ADNP2: variants seen among roughly 807,000 people sequenced by gnomAD.
The protein encoded by ADNP2 is activity-dependent neuroprotector homeobox protein 2.
A neutral mutation model predicts 16.4 loss-of-function variants in ADNP2; 8 were observed. The ratio of observed to expected loss-of-function variants is 0.49; its 90% confidence interval spans 0.29 to 0.88. The LOEUF (loss-of-function observed/expected upper bound fraction) is 0.88. Ranked by LOEUF, ADNP2 falls within the 40% of genes least tolerant of loss-of-function variation. The pLI, the probability that ADNP2 is intolerant of heterozygous loss-of-function variation, is 0.09. For synonymous variants in ADNP2, 637 were observed against 545.8 expected (o/e 1.17, Z -2.33); for missense variants, 1,397 against 1,395.1 (o/e 1.00, Z -0.02).
At chr18:80,135,241 G>A (rs772038842) in intron 3 of ADNP2, among the ~76,000 whole-genome samples, 5 of 152,272 alleles carry the variant, frequency 3.3e-5, no homozygotes, top group Middle Eastern at 6.8e-3. Flanking sequence ...GTGGTTGTTA[G>A]GCTTTTAAAT....
In ADNP2 at chr18:80,137,531, C is replaced by T. The variant is rs893523709; in HGVS notation, c.2118C>T (p.Asn706=). The T allele has an allele frequency of 8.1e-6, 13 of 1,614,142 alleles. No homozygotes were observed. Among genetic ancestry groups the T allele is most frequent in the South Asian group, 4.4e-5 (4 of 91,092 alleles). The change falls in exon 4 of 4, where the codon AAC becomes AAT. Residue 706 remains asparagine (N), a synonymous_variant. Coordinates refer to ENST00000262198, the MANE Select transcript of ADNP2 (RefSeq NM_014913.4). This position sits in a 1 kb window ranked among gnomAD's most constrained non-coding sequence, Gnocchi z 4.2. The part of the protein sequence containing the change: ...CPVCNELFPS[N]VYQVHMEVAH... ...TCTGCAACGAGCTCTTTCCGTCCAA[C>T]GTCTACCAGGTCCACATGGAGGTAG...
In ADNP2 at chr18:80,138,325, A is replaced by C; in HGVS notation, c.2912A>C (p.Asp971Ala). Residue 971 changes from aspartate to alanine, a missense_variant, in exon 4 of 4, where the codon GAT (aspartate) becomes GCT (alanine). This residue lies in a region of ADNP2 where 611 missense variants were observed against 648.7 expected (regional missense o/e 0.94). Coordinates refer to ENST00000262198, the MANE Select transcript of ADNP2 (RefSeq NM_014913.4). ...TTAGTCAGTGGTGAAGTGATGCATGATTCCAGTTTTTCTGTTAAGAGAAAG... is the reference window on the plus strand; with the variant it reads ...TTAGTCAGTGGTGAAGTGATGCATGCTTCCAGTTTTTCTGTTAAGAGAAAG... The part of the protein sequence containing the change: ...LLLVSGEVMH[D>A]SSFSVKRKLP... 1 of 1,614,158 alleles carries C rather than the reference A, an allele frequency of 6.2e-7. No individual in the cohort carries two copies. Among genetic ancestry groups the C allele is most frequent in the Non-Finnish European group, 8.5e-7 (1 of 1,180,044 alleles).
In ADNP2 at chr18:80,137,741, A is replaced by G. The variant is rs1273952262; in HGVS notation, c.2328A>G (p.Pro776=). The G allele has an allele frequency of 5.6e-6, 9 of 1,614,192 alleles. No homozygotes were observed. The highest frequency in any genetic ancestry group is 1.7e-5 in the Admixed American group (1 of 60,024). ...LMHGLGCLFC[P]CTFHDIKGLS... ...ATGGCTTGGGGTGCTTGTTCTGTCC[A>G]TGCACCTTCCATGATATCAAAGGTC... is the stretch of plus-strand genomic sequence containing the variant. The change falls in exon 4 of 4, where the codon CCA becomes CCG. Residue 776 remains proline, a synonymous_variant. Transcript: ENST00000262198. This position sits in a 1 kb window ranked among gnomAD's most constrained non-coding sequence, Gnocchi z 4.2.
chr18:80,117,473 T>C (rs2052396732), intron 1 of ADNP2, 57 bp from the exon 2 acceptor site: 3 of 1,061,088 alleles, frequency 2.8e-6, no homozygotes, highest in Non-Finnish European at 4.0e-6. Flanking sequence ...TCAAAAAATG[T>C]ATTTTTGTGT....
chr18:80,117,468 A>C (rs1053965249), intron 1 of ADNP2, 62 bp from the exon 2 acceptor site: 6 of 1,042,878 alleles, frequency 5.8e-6, no homozygotes, highest in African/African-American at 3.3e-5. Context: ...CCCTGTCAAA[A>C]AATGTATTTT....
rs1338759733 is a variant in ADNP2 at position 80,137,023 on chromosome 18, G to A, written c.1610G>A (p.Gly537Asp). 6.2e-7 allele frequency: 1 copy of A among 1,614,106 alleles called. No individual in the cohort carries two copies. The highest frequency in any genetic ancestry group is 1.3e-5 in the African/African-American group (1 of 75,020). Residue 537 changes from glycine (G) to aspartate (D), a missense_variant, in exon 4 of 4, where the codon GGT (glycine) becomes GAT (aspartate). By Grantham distance (94) the Gly-to-Asp change is moderately conservative. Coordinates refer to ENST00000262198, the MANE Select transcript of ADNP2 (RefSeq NM_014913.4). The surrounding 1 kb of genome is among the most constrained non-coding windows in gnomAD (Gnocchi z 4.2). ...TCAGCTGTTGTGCCTGTAAACCAGG[G>A]TGTGAATTCTGGTGTTCTGCAGCTT... ...SSSAVVPVNQGVNSGVLQLSQ... is the reference protein window; with the variant it reads ...SSSAVVPVNQDVNSGVLQLSQ...
chr18:80,127,600 A>C (rs1382041846), intron 2 of ADNP2, among the ~76,000 whole-genome samples: 1 of 151,578 alleles, frequency 6.6e-6, no homozygotes, highest in Non-Finnish European at 1.5e-5. Flanking sequence ...GTATGACTGG[A>C]AGTTTTTGTT....
rs140088901 is a variant in ADNP2, at chr18:80,137,202, T to C, written c.1789T>C (p.Ser597Pro). 42 of 1,614,056 alleles carry C rather than the reference T, an allele frequency of 2.6e-5. No homozygotes were observed. The highest frequency in any genetic ancestry group is 3.3e-5 in the Non-Finnish European group (39 of 1,180,036). The change falls in exon 4 of 4, where the codon TCT becomes CCT. Residue 597 changes from serine (S) to proline (P), a missense_variant. Ser to Pro is a moderately conservative substitution (Grantham distance 74). This residue lies in a region of ADNP2 where 9 missense variants were observed against 27.0 expected (regional missense o/e 0.33). Transcript: ENST00000262198. The surrounding 1 kb of genome is among the most constrained non-coding windows in gnomAD (Gnocchi z 4.2). The stretch of plus-strand genomic sequence containing the variant: ...GAACACCACCTTCCTGACATCAGGC[T>C]CTATTCTCAGACAGCTCATCCCTAC... ...SQNTTFLTSG[S>P]ILRQLIPTGK... is the part of the protein sequence containing the mutation.
intron 2 of ADNP2, among the ~76,000 whole-genome samples, chr18:80,129,300 C>T (rs977950786): frequency 1.3e-5 from 2 of 151,990 alleles, no homozygotes; most frequent in Non-Finnish European, 2.9e-5. Flanking sequence ...GATGGGGTTT[C>T]ACCATGTGGC....
rs566885934 is a variant in ADNP2 at position 80,127,513 on chromosome 18, A to G, written c.109-5590A>G. On this transcript the variant is annotated intron_variant, in intron 2 of 3. Coordinates refer to ENST00000262198, the MANE Select transcript of ADNP2 (RefSeq NM_014913.4). ...TTCATGGAAGTGCAATTTACCATCC[A>G]TCTTTCACTTTCTTTCACTTCTCTC... is the stretch of plus-strand genomic sequence containing the variant. 8.7e-4 allele frequency among the ~76,000 whole-genome samples: 133 copies of G among 152,074 alleles called. 1 individual carries two copies. The South Asian group carries it at 0.02, about 23-fold the overall frequency.
rs2052341018 is a variant in ADNP2, at chr18:80,109,345, C to G, written c.-141C>G. 6.7e-6 allele frequency: 1 copy of G among 150,056 alleles called. No individual in the cohort carries two copies. The highest frequency in any genetic ancestry group is 1.5e-5 in the Non-Finnish European group (1 of 67,340). 9.3% of individuals were successfully genotyped at this position (150,056 alleles called of 1,614,324 possible). On this transcript the variant is annotated 5_prime_UTR_variant, in exon 1 of 4. Coordinates refer to ENST00000262198, the MANE Select transcript of ADNP2 (RefSeq NM_014913.4). The stretch of plus-strand genomic sequence containing the variant: ...GGTGGGCGCGCGCTGAGGCGGGGGT[C>G]CCGCCGCGCGGGGCGGAGGCGCGGG...
At chr18:80,114,465 A>G (rs923969585) in intron 1 of ADNP2, among the ~76,000 whole-genome samples, 1 of 152,206 alleles carries the variant, frequency 6.6e-6, no homozygotes, top group Non-Finnish European at 1.5e-5. Flanking sequence ...ATTTTTAGGA[A>G]AGTTACAAGT....
rs765286396 is a variant in ADNP2, at chr18:80,136,384, C to T, written c.971C>T (p.Pro324Leu). 21 of 1,614,220 alleles carry T rather than the reference C, an allele frequency of 1.3e-5. No homozygotes were observed. Among genetic ancestry groups the T allele is most frequent in the Non-Finnish European group, 1.6e-5 (19 of 1,180,030 alleles). ...CCTGGAAGCCTCACTCATTCCCCCC[C>T]TGCTGCTGGCCAATCCCACATGACT... ...GAPGSLTHSPPAAGQSHMTLV... is the reference protein window; with the variant it reads ...GAPGSLTHSPLAAGQSHMTLV... Residue 324 changes from proline (P) to leucine (L), a missense_variant, in exon 4 of 4, where the codon CCT becomes CTT. By Grantham distance (98) the Pro-to-Leu change is moderately conservative. Coordinates refer to ENST00000262198, the MANE Select transcript of ADNP2 (RefSeq NM_014913.4).
intron 1 of ADNP2, among the ~76,000 whole-genome samples, chr18:80,110,915 T>C (rs149754070): frequency 7.9e-5 from 12 of 152,224 alleles, no homozygotes; most frequent in Non-Finnish European, 1.5e-4. Context: ...GATCACTGTT[T>C]ATGGGGGAAG....
chr18:80,125,847 A>G (rs2052455177), intron 2 of ADNP2, among the ~76,000 whole-genome samples: 1 of 152,158 alleles, frequency 6.6e-6, no homozygotes, highest in Admixed American at 6.5e-5. Flanking sequence ...GTTTATTGAA[A>G]TAGCTATTCC....
intron 1 of ADNP2, among the ~76,000 whole-genome samples, chr18:80,111,500 C>T (rs1442032984): frequency 1.3e-5 from 2 of 151,480 alleles, no homozygotes; most frequent in Admixed American, 6.6e-5. Flanking sequence ...TGTGCGATTT[C>T]ACAGGAACTA....
intron 2 of ADNP2, among the ~76,000 whole-genome samples, chr18:80,128,205 TGA>T (rs1164749661): frequency 2.0e-5 from 3 of 152,266 alleles, no homozygotes; most frequent in Non-Finnish European, 4.4e-5. Context: ...GAAGATGTAC[TGA>T]CAGTTCCTTT....
chr18:80,129,106 T>TG (rs2052479523), intron 2 of ADNP2, among the ~76,000 whole-genome samples: 1 of 29,004 alleles, frequency 3.4e-5, no homozygotes, highest in African/African-American at 1.8e-4. Context: ...TTTTTTTTTG[T>TG]TTTTTTTTTT....
chr18:80,130,529 G>T (rs2052489212), intron 2 of ADNP2, among the ~76,000 whole-genome samples: 1 of 152,196 alleles, frequency 6.6e-6, no homozygotes, highest in Non-Finnish European at 1.5e-5. Flanking sequence ...CAGAGAAAAA[G>T]AAGAAAAGTA....
Sources: allele counts gnomAD v4.1 joint callset (sites outside exome capture counted in the v4.1 genomes callset), GRCh38; gene constraint gnomAD v4.1.1; regional missense constraint gnomAD v4.1.1; non-coding constraint Gnocchi (gnomAD v3.1); transcripts MANE v1.5; gene names NCBI Gene and HGNC (gene_info 2026-07-23, HGNC 2026-07-21).